Variants in MCTP1 observed in about 807,000 individuals in gnomAD.
The protein encoded by MCTP1 is multiple C2 and transmembrane domain-containing protein 1.
A neutral mutation model predicts 120.6 loss-of-function variants in MCTP1; 69 were observed. The observed-to-expected ratio is 0.57, with a 90% CI of 0.47 to 0.70. The LOEUF (loss-of-function observed/expected upper bound fraction) is 0.70, where lower values mean the gene tolerates loss of function less well. Among genes scored for constraint, MCTP1 ranks in the 30% least tolerant of loss-of-function variants. The probability of loss-of-function intolerance (pLI) is 0.00; values close to 1 mark genes in which losing one functional copy is unlikely to be tolerated. For synonymous variants in MCTP1, 529 were observed against 493.1 expected, an observed-to-expected ratio of 1.07 and a Z score of -0.96; for missense variants, 1,203 against 1,248.8, an observed-to-expected ratio of 0.96 and a Z score of 0.55.
chr5:95,013,720 T>G lies in MCTP1; in HGVS notation c.838+3647A>C, dbSNP rs185318263. 4.8e-3 allele frequency among the ~76,000 whole-genome samples: 733 copies of G among 152,262 alleles called. 6 individuals carry two copies. Among genetic ancestry groups the G allele is most frequent in the Middle Eastern group, 0.01 (3 of 294 alleles). On this transcript the variant is annotated intron_variant, in intron 2 of 22. Coordinates refer to ENST00000515393, the MANE Select transcript of MCTP1 (RefSeq NM_024717.7). ...ATCCTTTTAAAATATTACTGCTTAT[T>G]GGCAATGCATCTAGTCACCGGAGAG...
intron 19 of MCTP1, among the ~76,000 whole-genome samples, chr5:94,768,455 C>T (rs1006052373): frequency 9.9e-5 from 15 of 151,618 alleles, no homozygotes; most frequent in South Asian, 2.1e-4. Flanking sequence ...ATAATAAGAA[C>T]GAAGAAACAG....
intron 2 of MCTP1, among the ~76,000 whole-genome samples, chr5:95,013,813 GCCC>G (rs1300867283): frequency 2.0e-5 from 3 of 152,096 alleles, no homozygotes; most frequent in Non-Finnish European, 2.9e-5. Flanking sequence ...CCATTCTGCA[GCCC>G]ATCGATCAAG....
At chr5:94,844,395 C>T (rs13356539) in intron 17 of MCTP1, among the ~76,000 whole-genome samples, 4,948 of 151,634 alleles carry the variant, frequency 0.033, 125 homozygotes, top group African/African-American at 0.069. Context: ...ACTGACAAGG[C>T]TTTCCATTTT....
Position 94,705,622 on chromosome 5 carries a change from T to C in MCTP1, c.*1874A>G, listed in dbSNP as rs1754378797. On this transcript the variant is annotated 3_prime_UTR_variant, in exon 23 of 23. Coordinates refer to ENST00000515393, the MANE Select transcript of MCTP1 (RefSeq NM_024717.7). ...ATTGAACTAAACATCTGAAATTTGA[T>C]ACAGTGAAACAAATTAGTCATCTGT... 6.6e-6 allele frequency: 1 copy of C among 151,502 alleles called. No individual in the cohort carries two copies. Among genetic ancestry groups the C allele is most frequent in the South Asian group, 2.1e-4 (1 of 4,832 alleles). The allele number at this position is 151,502 out of a possible 1,614,324, so 9.4% of individuals were successfully genotyped here. A position where few individuals can be genotyped will look rare whatever the true frequency, so the allele number is the denominator to read the frequency against.
chr5:94,779,249 T>G lies in MCTP1; in HGVS notation c.2557-86A>C, dbSNP rs542235384. ...TTTTGAACCTTTTGGAAATGAAAAC[T>G]TTATTAACATTTGAAACAGGCACAC... is the stretch of plus-strand genomic sequence containing the variant. On this transcript the variant is annotated intron_variant, in intron 18 of 22. Coordinates refer to ENST00000515393, the MANE Select transcript of MCTP1 (RefSeq NM_024717.7). 4 of 1,092,524 alleles carry G rather than the reference T, an allele frequency of 3.7e-6. No homozygotes were observed. In the Admixed American group the frequency reaches 6.8e-5, roughly 19 times the overall value. 67.7% of individuals were successfully genotyped at this position (1,092,524 alleles called of 1,614,324 possible). A position where few individuals can be genotyped will look rare whatever the true frequency, so the allele number is the denominator to read the frequency against.
chr5:95,212,295 C>A (rs895272145), intron 1 of MCTP1, among the ~76,000 whole-genome samples: 3 of 152,206 alleles, frequency 2.0e-5, no homozygotes, highest in Non-Finnish European at 1.5e-5. Flanking sequence ...CACATACCCT[C>A]TCCCAAGACT....
chr5:95,226,233 T>C (rs1431561483), intron 1 of MCTP1, among the ~76,000 whole-genome samples: 3 of 152,166 alleles, frequency 2.0e-5, no homozygotes. Flanking sequence ...AGGATATTTA[T>C]TGTTAATGTG....
chr5:94,903,747 C>T, intron 10 of MCTP1, among the ~76,000 whole-genome samples: 1 of 152,028 alleles, frequency 6.6e-6, no homozygotes, highest in Non-Finnish European at 1.5e-5. Flanking sequence ...TACCCCAAAT[C>T]AACGCCACTT....
chr5:94,853,451 G>T (rs1456819352), intron 17 of MCTP1, among the ~76,000 whole-genome samples: 1 of 152,072 alleles, frequency 6.6e-6, no homozygotes, highest in South Asian at 2.1e-4. Flanking sequence ...TGCAGACAAG[G>T]TTCAACTGTG....
intron 3 of MCTP1, among the ~76,000 whole-genome samples, chr5:94,944,686 T>C (rs763720121): frequency 4.6e-5 from 7 of 151,970 alleles, no homozygotes; most frequent in African/African-American, 1.2e-4. Context: ...ATCCTAATGC[T>C]AGATGTCTAC....
chr5:95,193,256 G>T (rs753776654), intron 1 of MCTP1, among the ~76,000 whole-genome samples: 1 of 152,034 alleles, frequency 6.6e-6, no homozygotes, highest in South Asian at 2.1e-4. Flanking sequence ...TTTTTCTACT[G>T]CATGAATCAA....
At chr5:94,914,159 T>C (rs1429035743) in intron 8 of MCTP1, among the ~76,000 whole-genome samples, 1 of 152,226 alleles carries the variant, frequency 6.6e-6, no homozygotes, top group African/African-American at 2.4e-5. Context: ...CAATCTGGAT[T>C]CAGCATCAAG....
chr5:95,197,608 A>G (rs747887416), intron 1 of MCTP1, among the ~76,000 whole-genome samples: 5 of 152,238 alleles, frequency 3.3e-5, no homozygotes, highest in Non-Finnish European at 7.3e-5. Context: ...ATGATAAAAC[A>G]TCAACTGTGT....
chr5:94,971,861 T>C (rs890203183), intron 2 of MCTP1, among the ~76,000 whole-genome samples: 4 of 152,146 alleles, frequency 2.6e-5, no homozygotes, highest in Non-Finnish European at 4.4e-5. Flanking sequence ...TCACAGTTCA[T>C]TCTACTCTAA....
At chr5:95,054,897 T>C (rs1266131751) in intron 1 of MCTP1, among the ~76,000 whole-genome samples, 1 of 152,124 alleles carries the variant, frequency 6.6e-6, no homozygotes, top group Non-Finnish European at 1.5e-5. Flanking sequence ...AACCTCCGCC[T>C]CCCAAGATCA....
chr5:94,862,390 AAAAT>A lies in MCTP1; in HGVS notation c.2436+5939_2436+5942del, dbSNP rs528186185. Among the ~76,000 whole-genome samples the A allele has an allele frequency of 5.9e-5, 9 of 151,994 alleles. No individual in the cohort carries two copies. The East Asian group carries it at 1.8e-3, about 30-fold the overall frequency. On this transcript the variant is annotated intron_variant, in intron 17 of 22. Coordinates refer to ENST00000515393, the MANE Select transcript of MCTP1 (RefSeq NM_024717.7). ...GAAAGCCCTTTTGCTGACATCTATTAAAATAAACAAAAAAGGGCATTGGCATCAT... is the reference window on the plus strand; with the variant it reads ...GAAAGCCCTTTTGCTGACATCTATTAAAACAAAAAAGGGCATTGGCATCAT...
intron 7 of MCTP1, among the ~76,000 whole-genome samples, chr5:94,921,138 C>T (rs1300614027): frequency 6.6e-6 from 1 of 152,176 alleles, no homozygotes; most frequent in South Asian, 2.1e-4. Flanking sequence ...GCACTAAGTT[C>T]CCACCTTTAA....
rs181260868 is a variant in MCTP1 at position 95,199,990 on chromosome 5, G to A, written c.720+83866C>T. On this transcript the variant is annotated intron_variant, in intron 1 of 22. Transcript: ENST00000515393. Reference sequence around the variant, plus strand: ...AGCCTGGCCAACATGGTGAAACCTCGTCTCTACTAAAAATACAAAAATTAT... The same window carrying A: ...AGCCTGGCCAACATGGTGAAACCTCATCTCTACTAAAAATACAAAAATTAT... 1.1e-4 allele frequency among the ~76,000 whole-genome samples: 16 copies of A among 151,960 alleles called. No individual in the cohort carries two copies. The East Asian group carries it at 1.6e-3, about 15-fold the overall frequency.
chr5:95,117,570 G>A (rs1470337266), intron 1 of MCTP1, among the ~76,000 whole-genome samples: 1 of 152,164 alleles, frequency 6.6e-6, no homozygotes, highest in African/African-American at 2.4e-5. Flanking sequence ...TGGTGGGAAT[G>A]TAAATTAGTT....
Sources: allele counts gnomAD v4.1 joint callset (sites outside exome capture counted in the v4.1 genomes callset), GRCh38; gene constraint gnomAD v4.1.1; transcripts MANE v1.5; gene names NCBI Gene and HGNC (gene_info 2026-07-23, HGNC 2026-07-21).